The following NLK variants were observed in gnomAD, a reference collection of about 807,000 sequenced individuals.
NLK encodes the protein nemo like kinase.
Under a neutral mutation model 59.0 loss-of-function variants are expected in NLK, and 11 were observed. The ratio of observed to expected loss-of-function variants is 0.19; its 90% confidence interval spans 0.12 to 0.31. The LOEUF is 0.31. Ranked by LOEUF, NLK falls within the 10% of genes least tolerant of loss-of-function variation. NLK has a pLI of 1.00. For missense variants in NLK, 410 were observed against 661.1 expected (o/e 0.62, Z 4.16); for synonymous variants, 235 against 235.9 (o/e 1.00, Z 0.03).
Position 28,043,270 on chromosome 17 carries a change from C to T in NLK, c.397C>T (p.Gln133Ter). 6.2e-7 allele frequency: 1 copy of T among 1,611,966 alleles called. No individual in the cohort carries two copies. Among genetic ancestry groups the T allele is most frequent in the Non-Finnish European group, 8.5e-7 (1 of 1,178,950 alleles). Residue 133 changes from glutamine (Q) to a stop codon, truncating the protein, a stop_gained, in exon 1 of 11, where the codon CAG becomes TAG. Coordinates refer to ENST00000407008, the MANE Select transcript of NLK (RefSeq NM_016231.5). LOFTEE classifies it high-confidence loss of function. ...CCATCATCAGCACTCGCATCATCCA[C>T]AGCAGCAGCTGGATATTGAGCCGGA... ...AHHHQHSHHP[Q>*]QQLDIEPDRP...
At chr17:28,051,474 T>G (rs1026805248) in intron 1 of NLK, among the ~76,000 whole-genome samples, 2 of 151,878 alleles carry the variant, frequency 1.3e-5, no homozygotes, top group African/African-American at 4.8e-5. Context: ...TTCTCCTGCC[T>G]CAGCCTCCCG....
At chr17:28,059,194 C>T (rs926135156) in intron 1 of NLK, among the ~76,000 whole-genome samples, 4 of 151,954 alleles carry the variant, frequency 2.6e-5, no homozygotes, top group Non-Finnish European at 4.4e-5. Flanking sequence ...GATTTCTTCA[C>T]ACACTGGCGG....
chr17:28,074,901 G>A (rs1232501929), intron 1 of NLK, among the ~76,000 whole-genome samples: 2 of 152,178 alleles, frequency 1.3e-5, no homozygotes, highest in Admixed American at 1.3e-4. Context: ...GAGGTTGGGA[G>A]GTGGACACCA....
At chr17:28,066,490 A>G (rs182951613) in intron 1 of NLK, among the ~76,000 whole-genome samples, 1 of 152,358 alleles carries the variant, frequency 6.6e-6, no homozygotes, top group East Asian at 1.9e-4. Context: ...GTATTAATAT[A>G]TCACAACTTT....
intron 1 of NLK, among the ~76,000 whole-genome samples, chr17:28,102,565 C>G (rs1904939653): frequency 6.6e-6 from 1 of 151,334 alleles, no homozygotes; most frequent in African/African-American, 2.4e-5. Flanking sequence ...AGGAGAATCA[C>G]TTGAACCCGG....
intron 1 of NLK, among the ~76,000 whole-genome samples, chr17:28,089,154 A>G (rs990710672): frequency 2.0e-5 from 3 of 152,230 alleles, no homozygotes; most frequent in Admixed American, 1.3e-4. Context: ...ACGTATACAC[A>G]TGAAACTATT....
At chr17:28,108,866 A>T (rs913178626) in intron 1 of NLK, among the ~76,000 whole-genome samples, 5 of 152,174 alleles carry the variant, frequency 3.3e-5, no homozygotes, top group Non-Finnish European at 7.4e-5. Flanking sequence ...ATAGGGAATC[A>T]ATCTACATTT....
At chr17:28,132,903 T>C (rs1906578961) in intron 3 of NLK, among the ~76,000 whole-genome samples, 1 of 152,206 alleles carries the variant, frequency 6.6e-6, no homozygotes. Flanking sequence ...AACAGATATT[T>C]AATCCCCACA....
chr17:28,171,431 T>A (rs759180588), intron 6 of NLK: 1 of 152,174 alleles, frequency 6.6e-6, no homozygotes, highest in Non-Finnish European at 1.5e-5. Context: ...CTACAGAAAA[T>A]TGGTAAGATA....
intron 1 of NLK, among the ~76,000 whole-genome samples, chr17:28,065,651 A>T (rs1309000224): frequency 6.6e-6 from 1 of 152,210 alleles, no homozygotes; most frequent in Non-Finnish European, 1.5e-5. Context: ...AGGTAGTTGT[A>T]GTAGTCTAGG....
At chr17:28,154,774 C>T (rs1240055270) in intron 3 of NLK, among the ~76,000 whole-genome samples, 1 of 152,146 alleles carries the variant, frequency 6.6e-6, no homozygotes, top group East Asian at 1.9e-4. Context: ...TGGCTCACAC[C>T]TGTAATCCCA....
chr17:28,068,135 C>T (rs1362235829), intron 1 of NLK, among the ~76,000 whole-genome samples: 4 of 144,800 alleles, frequency 2.8e-5, no homozygotes, highest in East Asian at 2.0e-4. Context: ...AGCGAGACTC[C>T]GTCTCAAAAA....
At chr17:28,088,373 A>T (rs1300609730) in intron 1 of NLK, among the ~76,000 whole-genome samples, 3 of 152,234 alleles carry the variant, frequency 2.0e-5, no homozygotes, top group African/African-American at 4.8e-5. Flanking sequence ...TAATTCTACC[A>T]GGTCTTCTGT....
intron 1 of NLK, among the ~76,000 whole-genome samples, chr17:28,090,874 T>C (rs1395448517): frequency 6.6e-6 from 1 of 152,192 alleles, no homozygotes; most frequent in African/African-American, 2.4e-5. Flanking sequence ...TGTCTTTTTT[T>C]CCTCTGGCAG....
At position 28,122,615 on chromosome 17, in the gene NLK, T is replaced by A. The variant is rs776575681; in HGVS notation, c.471T>A (p.Asp157Glu). 1 of 1,613,788 alleles carries A rather than the reference T, an allele frequency of 6.2e-7. No individual in the cohort carries two copies. The highest frequency in any genetic ancestry group is 8.5e-7 in the Non-Finnish European group (1 of 1,179,764). ...GAFGVVWSVTDPRDGKRVALK... is the reference protein window; with the variant it reads ...GAFGVVWSVTEPRDGKRVALK... Reference sequence around the variant, plus strand: ...ATTGCTTCTTTAGGTCAGTAACAGATCCAAGAGATGGAAAGAGAGTAGCGC... The same window carrying A: ...ATTGCTTCTTTAGGTCAGTAACAGAACCAAGAGATGGAAAGAGAGTAGCGC... Residue 157 changes from aspartate to glutamate, a missense_variant, in exon 2 of 11, where the codon GAT becomes GAA. Physicochemically the swap from Asp to Glu is conservative, Grantham distance 45 (BLOSUM62 2). Coordinates refer to ENST00000407008, the MANE Select transcript of NLK (RefSeq NM_016231.5).
intron 1 of NLK, among the ~76,000 whole-genome samples, chr17:28,106,993 CT>C (rs1254711767): frequency 1.3e-5 from 2 of 152,106 alleles, no homozygotes; most frequent in Admixed American, 6.6e-5. Flanking sequence ...ATAATTAAAA[CT>C]TTTTTTAACT....
chr17:28,194,658 T>C lies in NLK; in HGVS notation c.*22T>C, dbSNP rs370710429. Reference sequence around the variant, plus strand: ...GTGATGGTGGAAGATAATGTACTACTGAAGATGTAATGTAGCTTTCCACTG... The same window carrying C: ...GTGATGGTGGAAGATAATGTACTACCGAAGATGTAATGTAGCTTTCCACTG... On this transcript the variant is annotated 3_prime_UTR_variant, in exon 11 of 11. Coordinates refer to ENST00000407008, the MANE Select transcript of NLK (RefSeq NM_016231.5). 2.3e-4 allele frequency: 350 copies of C among 1,553,276 alleles called. No homozygotes were observed. Among genetic ancestry groups the C allele is most frequent in the Admixed American group, 5.1e-4 (30 of 59,106 alleles).
At position 28,194,662 on chromosome 17, in the gene NLK, G is replaced by T; in HGVS notation, c.*26G>T. The stretch of plus-strand genomic sequence containing the variant: ...TGGTGGAAGATAATGTACTACTGAA[G>T]ATGTAATGTAGCTTTCCACTGGAGT... On this transcript the variant is annotated 3_prime_UTR_variant, in exon 11 of 11. Coordinates refer to ENST00000407008, the MANE Select transcript of NLK (RefSeq NM_016231.5). 6.5e-7 allele frequency: 1 copy of T among 1,538,584 alleles called. No individual in the cohort carries two copies. Among genetic ancestry groups the T allele is most frequent in the South Asian group, 1.2e-5 (1 of 84,854 alleles).
chr17:28,079,954 T>C (rs1263977883), intron 1 of NLK, among the ~76,000 whole-genome samples: 3 of 152,214 alleles, frequency 2.0e-5, no homozygotes, highest in Non-Finnish European at 4.4e-5. Context: ...TCAGGTCTTA[T>C]GTTTAGATCG....
Sources: allele counts gnomAD v4.1 joint callset (sites outside exome capture counted in the v4.1 genomes callset), GRCh38; gene constraint gnomAD v4.1.1; transcripts MANE v1.5; gene names NCBI Gene and HGNC (gene_info 2026-07-23, HGNC 2026-07-21).